The following SECISBP2 variants were observed in gnomAD, a reference collection of about 807,000 sequenced individuals.
The protein encoded by SECISBP2 is SECIS binding protein 2, also known as selenocysteine insertion sequence-binding protein 2.
Under a neutral mutation model 98.2 loss-of-function variants are expected in SECISBP2, and 96 were observed. The observed-to-expected ratio is 0.98, with a 90% CI of 0.83 to 1.16. SECISBP2 has a LOEUF of 1.16. SECISBP2 is among the 50% of genes most tolerant of loss of function. SECISBP2 has a pLI of 0.00. For synonymous variants in SECISBP2, 407 were observed against 370.2 expected (o/e 1.10, Z -1.14); for missense variants, 1,046 against 1,022.9 (o/e 1.02, Z -0.31).
intron 14 of SECISBP2, among the ~76,000 whole-genome samples, chr9:89,353,988 T>G (rs1370070357): frequency 6.6e-6 from 1 of 152,378 alleles, no homozygotes; most frequent in South Asian, 2.1e-4. Context: ...AGATAAAAAT[T>G]GATGTTATAG....
At chr9:89,349,119 T>A (rs549163700) in intron 12 of SECISBP2, among the ~76,000 whole-genome samples, 13 of 152,348 alleles carry the variant, frequency 8.5e-5, no homozygotes, top group African/African-American at 3.1e-4. Flanking sequence ...GCTCCCCATC[T>A]CTACCAGCCC....
intron 11 of SECISBP2, 55 bp downstream of exon 11, chr9:89,347,103 C>T: frequency 6.4e-7 from 1 of 1,553,892 alleles, no homozygotes; most frequent in Non-Finnish European, 8.8e-7. Context: ...TCTCACATTT[C>T]CATAGTTATT....
At chr9:89,366,122 G>A in the SECISBP2 span, among the ~76,000 whole-genome samples, 8 of 152,190 alleles carry the variant, frequency 5.3e-5, no homozygotes, top group African/African-American at 1.4e-4. Flanking sequence ...TCACTCATTC[G>A]AAGTGCCATC....
chr9:89,333,040 T>G (rs1481104643), intron 6 of SECISBP2, 54 bp downstream of exon 6: 1 of 1,496,952 alleles, frequency 6.7e-7, no homozygotes, highest in South Asian at 1.1e-5. Flanking sequence ...TTTTTTAAGT[T>G]CATTTTTAAC....
chr9:89,366,499 G>A, the SECISBP2 span, among the ~76,000 whole-genome samples: 1 of 152,098 alleles, frequency 6.6e-6, no homozygotes, highest in African/African-American at 2.4e-5. Context: ...AACAGGTTTG[G>A]TTTTTGTGCA....
At chr9:89,361,982 TA>T (rs901529732), downstream of SECISBP2, 17 of 273,172 alleles carry the variant, frequency 6.2e-5, no homozygotes, top group Admixed American at 6.4e-4. Context: ...TGTTGGCTAT[TA>T]GGGGGTGGGG....
chr9:89,337,982 G>A (rs1829042884), intron 7 of SECISBP2, among the ~76,000 whole-genome samples: 1 of 152,248 alleles, frequency 6.6e-6, no homozygotes, highest in African/African-American at 2.4e-5. Context: ...AGGCCCAGGG[G>A]GTTAGGGGCC....
intron 5 of SECISBP2, chr9:89,329,484 C>G (rs573470372): frequency 6.6e-6 from 1 of 151,666 alleles, no homozygotes; most frequent in Admixed American, 6.6e-5. Flanking sequence ...GAGGGAGTCT[C>G]ACTGTGTTGC....
Position 89,334,519 on chromosome 9 carries a change from C to T in SECISBP2, c.881-3C>T, listed in dbSNP as rs773238877. On this transcript the variant is annotated splice_region_variant and splice_polypyrimidine_tract_variant and intron_variant, in intron 6 of 16. Transcript: ENST00000375807. ...TTCAACAATTTTGGTTATCTTTGAG[C>T]AGAGTTATCTTGGACACCAATGGGT... 6.2e-7 allele frequency: 1 copy of T among 1,613,358 alleles called. No individual in the cohort carries two copies. The highest frequency in any genetic ancestry group is 1.1e-5 in the South Asian group (1 of 91,068).
downstream of SECISBP2, among the ~76,000 whole-genome samples, chr9:89,360,452 TAAA>T (rs1325287103): frequency 6.6e-6 from 1 of 152,178 alleles, no homozygotes; most frequent in East Asian, 1.9e-4. Context: ...ATCAAAAAAT[TAAA>T]GATCTCCACT....
rs775075363 is a variant in SECISBP2 at position 89,319,693 on chromosome 9, A to AT, written c.81dup (p.Ala28CysfsTer40). The AT allele has an allele frequency of 1.2e-6, 2 of 1,614,170 alleles. No homozygotes were observed. On this transcript the variant is annotated frameshift_variant, in exon 2 of 17. Transcript: ENST00000375807. LOFTEE classifies it high-confidence loss of function. ...CAGATGTCAAACCATTTGTCCCCAG[A>AT]TTTGCCGGGCTCAATGTGGCATGGT...
chr9:89,347,585 TCTC>T (rs1830618173), intron 11 of SECISBP2, among the ~76,000 whole-genome samples: 1 of 151,326 alleles, frequency 6.6e-6, no homozygotes, highest in South Asian at 2.1e-4. Context: ...TTCAAGCAAT[TCTC>T]CTGCCTCAGC....
chr9:89,357,880 G>T, intron 15 of SECISBP2, 119 bp from the exon 16 acceptor site: 1 of 1,138,560 alleles, frequency 8.8e-7, no homozygotes, highest in East Asian at 2.4e-5. Flanking sequence ...CCATAAGCAT[G>T]AGGTCCACAT....
chr9:89,357,144 G>A (rs1832213692), intron 14 of SECISBP2: 2 of 483,964 alleles, frequency 4.1e-6, no homozygotes, highest in African/African-American at 3.9e-5. Flanking sequence ...GAGGACACAG[G>A]AGCTAATAGG....
chr9:89,344,334 T>C (rs150180367), intron 10 of SECISBP2, among the ~76,000 whole-genome samples: 5 of 152,354 alleles, frequency 3.3e-5, no homozygotes, highest in African/African-American at 1.2e-4. Flanking sequence ...CATTTGTCAA[T>C]TTTTGCTTTT....
At chr9:89,350,521 G>A (rs1213778646) in intron 13 of SECISBP2, 111 bp from the exon 14 acceptor site, 7 of 934,718 alleles carry the variant, frequency 7.5e-6, no homozygotes, top group East Asian at 4.8e-5. Flanking sequence ...TTGTTGAAAC[G>A]TGACTTTTTG....
At chr9:89,325,858 G>T (rs1280510869) in intron 3 of SECISBP2, 39 bp from the exon 4 acceptor site, 2 of 1,612,548 alleles carry the variant, frequency 1.2e-6, no homozygotes, top group South Asian at 2.2e-5. Context: ...TTTTATAGTG[G>T]TGGTTTTATT....
chr9:89,347,201 T>C (rs1209952906), intron 11 of SECISBP2, among the ~76,000 whole-genome samples, 153 bp downstream of exon 11: 1 of 152,188 alleles, frequency 6.6e-6, no homozygotes, highest in Non-Finnish European at 1.5e-5. Context: ...CAACAAATGA[T>C]CCCTCACCCT....
chr9:89,321,498 C>T (rs1825794260), intron 2 of SECISBP2, among the ~76,000 whole-genome samples: 1 of 151,718 alleles, frequency 6.6e-6, no homozygotes, highest in African/African-American at 2.4e-5. Flanking sequence ...AACCCCATCT[C>T]TACTACAGAA....
Sources: allele counts gnomAD v4.1 joint callset (sites outside exome capture counted in the v4.1 genomes callset), GRCh38; gene constraint gnomAD v4.1.1; transcripts MANE v1.5; gene names NCBI Gene and HGNC (gene_info 2026-07-23, HGNC 2026-07-21).